The following MIB2 variants were observed in gnomAD, a reference collection of about 807,000 sequenced individuals.
The protein encoded by MIB2 is E3 ubiquitin-protein ligase MIB2.
Under a neutral mutation model 96.6 loss-of-function variants are expected in MIB2, and 78 were observed. The ratio of observed to expected loss-of-function variants is 0.81; its 90% CI spans 0.67 to 0.97. MIB2 has a LOEUF of 0.97. MIB2 is among the 50% of genes least tolerant of loss of function. MIB2 has a pLI of 0.00. For synonymous variants in MIB2, 820 were observed against 629.5 expected, an observed-to-expected ratio of 1.30 and a Z score of -4.53; for missense variants, 1,543 against 1,424.0, an observed-to-expected ratio of 1.08 and a Z score of -1.35.
rs866987962 is a variant in MIB2 at position 1,624,869 on chromosome 1, G to A, written c.494G>A (p.Arg165Gln). 3.7e-6 allele frequency: 6 copies of A among 1,612,984 alleles called. No individual in the cohort carries two copies. Among genetic ancestry groups the A allele is most frequent in the Admixed American group, 1.7e-5 (1 of 59,994 alleles). The stretch of plus-strand genomic sequence containing the variant: ...ATCTTCCAGGGAGCGAAGGTGGTGC[G>A]AGGCCCCGACTGGGAGTGGGGCTCA... ...RGIFQGAKVV[R>Q]GPDWEWGSQD... Residue 165 changes from arginine to glutamine, a missense_variant, in exon 5 of 20, where the codon CGA becomes CAA. Physicochemically the swap from Arg to Gln is conservative, Grantham distance 43 (BLOSUM62 1). Transcript: ENST00000355826.
chr1:1,622,972 C>T (rs867030639), intron 2 of MIB2: 1 of 225,354 alleles, frequency 4.4e-6, no homozygotes, highest in South Asian at 1.0e-4. Flanking sequence ...CCTGTGTGGA[C>T]ACGAGTCCTC....
intron 2 of MIB2, among the ~76,000 whole-genome samples, chr1:1,619,526 G>A (rs993944461): frequency 1.3e-5 from 2 of 152,204 alleles, no homozygotes; most frequent in Admixed American, 6.5e-5. Flanking sequence ...CAGATGAGGC[G>A]GCCACTCCAG....
At chr1:1,614,110 C>T (rs953108499), upstream of MIB2, 6 of 152,168 alleles carry the variant, frequency 3.9e-5, no homozygotes, top group African/African-American at 1.2e-4. Context: ...TATACTGTAG[C>T]AGTGAACAGC....
In MIB2 at chr1:1,623,640, A is replaced by G; in HGVS notation, c.188A>G (p.Asn63Ser). The G allele has an allele frequency of 6.8e-7, 1 of 1,477,626 alleles. No homozygotes were observed. The highest frequency in any genetic ancestry group is 2.5e-5 in the East Asian group (1 of 40,216). The allele number at this position is 1,477,626 out of a possible 1,614,324, so 91.5% of individuals were successfully genotyped here. ...VVQWDQGTRTNYRAGYQGAHD... is the reference protein window; with the variant it reads ...VVQWDQGTRTSYRAGYQGAHD... Reference sequence around the variant, plus strand: ...CAGTGGGACCAGGGCACGCGCACCAACTACCGCGCCGGCTACCAGGGCGCG... The same window carrying G: ...CAGTGGGACCAGGGCACGCGCACCAGCTACCGCGCCGGCTACCAGGGCGCG... The change falls in exon 3 of 20, where the codon AAC becomes AGC. Residue 63 changes from asparagine (N) to serine (S), a missense_variant. Coordinates refer to ENST00000355826, the MANE Select transcript of MIB2 (RefSeq NM_001170687.4).
Position 1,627,768 on chromosome 1 carries a change from A to G in MIB2, c.1619A>G (p.Gln540Arg), listed in dbSNP as rs545332333. 7.5e-6 allele frequency: 12 copies of G among 1,598,182 alleles called. No homozygotes were observed. In the South Asian group the frequency reaches 1.3e-4, roughly 18 times the overall value. Residue 540 changes from glutamine (Q) to arginine (R), a missense_variant, in exon 13 of 20, where the codon CAG becomes CGG. Physicochemically the swap from Gln to Arg is conservative, Grantham distance 43. Transcript: ENST00000355826. ...AGCACAGCACTGCACGTGGCCGTGC[A>G]GAGGGGCTTCCTGGAGGTGGTGCGG... ...TQSTALHVAV[Q>R]RGFLEVVRAL...
chr1:1,624,237 C>T, intron 4 of MIB2: 1 of 498,398 alleles, frequency 2.0e-6, no homozygotes, highest in Non-Finnish European at 3.6e-6. Context: ...TTGGAGGCTG[C>T]TGCGCTCTGG....
intron 2 of MIB2, among the ~76,000 whole-genome samples, chr1:1,621,024 G>A (rs1388955550): frequency 2.0e-5 from 3 of 152,254 alleles, no homozygotes; most frequent in African/African-American, 7.2e-5. Context: ...TGTGCTGGGC[G>A]GGTCCTCGGG....
chr1:1,626,252 A>G lies in MIB2; in HGVS notation c.973-398A>G, dbSNP rs992558906. The G allele has an allele frequency of 4.0e-6, 1 of 251,260 alleles. No homozygotes were observed. Among genetic ancestry groups the G allele is most frequent in the Non-Finnish European group, 7.7e-6 (1 of 130,570 alleles). The allele number at this position is 251,260 out of a possible 1,614,324, so 15.6% of individuals were successfully genotyped here. On this transcript the variant is annotated intron_variant, in intron 8 of 19. Transcript: ENST00000355826. This position sits in a 1 kb window ranked among gnomAD's most constrained non-coding sequence, Gnocchi z 5.3. ...GGCTTGTAGAGTGAGTTCCCTGCAT[A>G]TGAGGGCTCAGGTGGGGCAGAGTGG...
intron 18 of MIB2, 26 bp from the exon 19 acceptor site, chr1:1,629,613 A>C: frequency 1.3e-6 from 2 of 1,572,452 alleles, no homozygotes; most frequent in Non-Finnish European, 1.7e-6. Flanking sequence ...GTAGGGCCGC[A>C]GCCAACCGCG....
Position 1,627,520 on chromosome 1 carries a change from G to A in MIB2, c.1523+76G>A, listed in dbSNP as rs530618621. The stretch of plus-strand genomic sequence containing the variant: ...GGTGAGGCCTGGGAGGGGCCCGGCC[G>A]GCGGGGCTGAGCCTGTGCGTCCTGG... On this transcript the variant is annotated intron_variant, in intron 12 of 19. Transcript: ENST00000355826. The A allele has an allele frequency of 2.9e-5, 44 of 1,504,014 alleles. No individual in the cohort carries two copies. The Admixed American group carries it at 3.5e-4, about 12-fold the overall frequency. The allele number at this position is 1,504,014 out of a possible 1,614,324, so 93.2% of individuals were successfully genotyped here.
rs1245113615 is a variant in MIB2, at chr1:1,628,720, A to G, written c.2200A>G (p.Arg734Gly). ...CCCAGGGCCCTTGCAGCTGCTGTCC[A>G]GGGTGAGGAAGTGTGGCGTGGGGTG... ...GDPGPLQLLSRLQASGLPGSA... is the reference protein window; with the variant it reads ...GDPGPLQLLSGLQASGLPGSA... The change falls in exon 16 of 20, where the codon AGG becomes GGG. Residue 734 changes from arginine to glycine, a missense_variant and splice_region_variant. Coordinates refer to ENST00000355826, the MANE Select transcript of MIB2 (RefSeq NM_001170687.4). The G allele has an allele frequency of 1.3e-6, 2 of 1,534,148 alleles. No individual in the cohort carries two copies. Among genetic ancestry groups the G allele is most frequent in the Non-Finnish European group, 1.8e-6 (2 of 1,138,600 alleles).
At chr1:1,615,157 C>T, upstream of MIB2, 1 of 414,722 alleles carries the variant, frequency 2.4e-6, no homozygotes. Context: ...CGGGCCCGGA[C>T]TGCCGTTTCT....
chr1:1,619,712 G>C (rs1557562410), intron 2 of MIB2, among the ~76,000 whole-genome samples: 1 of 152,186 alleles, frequency 6.6e-6, no homozygotes, highest in African/African-American at 2.4e-5. Flanking sequence ...CAGCTCCCCT[G>C]TCCAGGCTCG....
chr1:1,626,552 G>T lies in MIB2; in HGVS notation c.973-98G>T. 1.9e-6 allele frequency: 2 copies of T among 1,078,462 alleles called. No individual in the cohort carries two copies. The highest frequency in any genetic ancestry group is 1.3e-6 in the Non-Finnish European group (1 of 765,994). The allele number at this position is 1,078,462 out of a possible 1,614,324, so 66.8% of individuals were successfully genotyped here. ...TCGGGGCCGGGGCCGAGTCAGGCCT[G>T]CCTGTCTCGTGGAGCTCAGCAGGTT... is the stretch of plus-strand genomic sequence containing the variant. On this transcript the variant is annotated intron_variant, in intron 8 of 19. Coordinates refer to ENST00000355826, the MANE Select transcript of MIB2 (RefSeq NM_001170687.4). This position sits in a 1 kb window ranked among gnomAD's most constrained non-coding sequence, Gnocchi z 5.3.
At chr1:1,629,726 C>T (rs1638361057) in intron 19 of MIB2, 22 bp downstream of exon 19, 4 of 1,566,174 alleles carry the variant, frequency 2.6e-6, no homozygotes, top group Admixed American at 1.9e-5. Context: ...TCTGCGCCCC[C>T]AACACGCCTC....
rs561781433 is a variant in MIB2 at position 1,630,320 on chromosome 1, C to A, written c.2658C>A (p.Pro886=). ...GCTCTGAGGTGGCGAGCGCCGCCCC[C>A]GCCCCCGGCCCGCCGCGCCAGCTGG... ...PDGSEVASAA[P]APGPPRQLVE... is the part of the protein sequence containing the mutation. The change falls in exon 20 of 20, where the codon CCC becomes CCA. Residue 886 remains proline, a synonymous_variant. Transcript: ENST00000355826. The A allele has an allele frequency of 1.0e-4, 154 of 1,532,082 alleles. No homozygotes were observed. In the African/African-American group the frequency reaches 1.6e-3, roughly 16 times the overall value. The allele number at this position is 1,532,082 out of a possible 1,614,324, so 94.9% of individuals were successfully genotyped here. A position where few individuals can be genotyped will look rare whatever the true frequency, so the allele number is the denominator to read the frequency against.
intron 2 of MIB2, 99 bp downstream of exon 2, chr1:1,616,713 G>A: frequency 1.1e-6 from 1 of 937,318 alleles, no homozygotes. Flanking sequence ...TTGTGTCTGA[G>A]CATGCATGCG....
At position 1,616,816 on chromosome 1, in the gene MIB2, G is replaced by C; in HGVS notation, c.-23+202G>C. On this transcript the variant is annotated intron_variant, in intron 2 of 19. Transcript: ENST00000355826. ...AGAGGTGCCAGACAGGCCTCTGATA[G>C]GCACCTGCAGGATTGGGGCAGAGCG... 4 of 520,788 alleles carry C rather than the reference G, an allele frequency of 7.7e-6. No individual in the cohort carries two copies. The South Asian group carries it at 9.2e-5, about 12-fold the overall frequency. The allele number at this position is 520,788 out of a possible 1,614,324, so 32.3% of individuals were successfully genotyped here. A position where few individuals can be genotyped will look rare whatever the true frequency, so the allele number is the denominator to read the frequency against.
In MIB2 at chr1:1,628,500, C is replaced by A. The variant is rs779223762; in HGVS notation, c.1980C>A (p.Asp660Glu). 15 of 1,599,296 alleles carry A rather than the reference C, an allele frequency of 9.4e-6. No individual in the cohort carries two copies. Among genetic ancestry groups the A allele is most frequent in the South Asian group, 1.1e-5 (1 of 90,372 alleles). ...AQILIREGRCDVNVRNRKLQS... is the reference protein window; with the variant it reads ...AQILIREGRCEVNVRNRKLQS... Reference sequence around the variant, plus strand: ...CCACCCCTCCCCAGGGCCGCTGTGACGTGAACGTGCGCAACCGGAAGCTGC... The same window carrying A: ...CCACCCCTCCCCAGGGCCGCTGTGAAGTGAACGTGCGCAACCGGAAGCTGC... The change falls in exon 16 of 20, where the codon GAC becomes GAA. Residue 660 changes from aspartate (D) to glutamate (E), a missense_variant. Physicochemically the swap from Asp to Glu is conservative, Grantham distance 45. Coordinates refer to ENST00000355826, the MANE Select transcript of MIB2 (RefSeq NM_001170687.4).
Sources: gnomAD v4.1 joint callset for allele counts (sites outside exome capture counted in the v4.1 genomes callset) on GRCh38, gnomAD v4.1.1 for gene constraint, Gnocchi (gnomAD v3.1) non-coding constraint, MANE v1.5 for transcripts, NCBI Gene and HGNC (gene_info 2026-07-23, HGNC 2026-07-21) for gene names.